GOLGB1: variants seen among roughly 807,000 people sequenced by gnomAD.
GOLGB1 encodes golgin subfamily B member 1.
Under a neutral mutation model 336.9 loss-of-function variants are expected in GOLGB1, and 174 were observed. The observed-to-expected ratio is 0.52, with a 90% CI of 0.46 to 0.59. GOLGB1 has a LOEUF of 0.59. GOLGB1 is among the 20% of genes least tolerant of loss of function. The probability of loss-of-function intolerance (pLI) is 0.00; values close to 1 mark genes in which losing one functional copy is unlikely to be tolerated. For synonymous variants in GOLGB1, 1,208 were observed against 1,289.2 expected (o/e 0.94, Z 1.35); for missense variants, 3,331 against 3,645.3 (o/e 0.91, Z 2.22).
In GOLGB1 at chr3:121,729,265, T is replaced by TA. The variant is rs1241598340; in HGVS notation, c.324dup (p.Lys109Ter). On this transcript the variant is annotated frameshift_variant, in exon 4 of 22. Coordinates refer to ENST00000614479, the MANE Select transcript of GOLGB1 (RefSeq NM_001366282.2). LOFTEE classifies it high-confidence loss of function. ...TGTGCTTTCATTTCTTCTATGTATT[T>TA]ATTCAAAGAAGTTAATTTGGCCTTC... 1.9e-6 allele frequency: 3 copies of TA among 1,610,648 alleles called. No individual in the cohort carries two copies. The highest frequency in any genetic ancestry group is 2.5e-6 in the Non-Finnish European group (3 of 1,176,898).
rs56162367 is a variant in GOLGB1, at chr3:121,693,855, G to A, written c.6668C>T (p.Ala2223Val). Residue 2223 changes from alanine to valine, a missense_variant, in exon 13 of 22, where the codon GCG becomes GTG. Transcript: ENST00000614479. ...AKKWERKFSD[A>V]IQSKEEEIRL... ...AATTTCTTCTTCTTTGCTTTGAATC[G>A]CATCACTAAACTTCCTCTCCCATTT... is the stretch of plus-strand genomic sequence containing the variant. The A allele has an allele frequency of 0.012, 18,867 of 1,612,970 alleles. 151 individuals are homozygous for A. The highest frequency in any genetic ancestry group is 0.014 in the Non-Finnish European group (16,296 of 1,179,092).
At chr3:121,721,568 G>C (rs1241080330) in intron 6 of GOLGB1, among the ~76,000 whole-genome samples, 1 of 152,208 alleles carries the variant, frequency 6.6e-6, no homozygotes, top group Non-Finnish European at 1.5e-5. Flanking sequence ...AGGAGACTGA[G>C]GCTGCAGTGA....
chr3:121,748,015 A>G (rs1947487350), intron 1 of GOLGB1, among the ~76,000 whole-genome samples: 1 of 152,066 alleles, frequency 6.6e-6, no homozygotes, highest in South Asian at 2.1e-4. Flanking sequence ...TTTATAAACA[A>G]GGATAAAGTC....
intron 1 of GOLGB1, 68 bp downstream of exon 1, chr3:121,749,564 G>C (rs1367544219): frequency 6.6e-6 from 1 of 152,376 alleles, no homozygotes; most frequent in African/African-American, 2.4e-5. Flanking sequence ...AGCTCCCGCG[G>C]CCCCTCTGGC....
rs1295520652 is a variant in GOLGB1, at chr3:121,698,193, T to G, written c.2330A>C (p.Asn777Thr). The G allele has an allele frequency of 3.1e-6, 5 of 1,613,664 alleles. No individual in the cohort carries two copies. Among genetic ancestry groups the G allele is most frequent in the Non-Finnish European group, 4.2e-6 (5 of 1,179,946 alleles). Residue 777 changes from asparagine to threonine, a missense_variant, in exon 13 of 22, where the codon AAC becomes ACC. Physicochemically the swap from Asn to Thr is moderately conservative, Grantham distance 65 (BLOSUM62 0). Coordinates refer to ENST00000614479, the MANE Select transcript of GOLGB1 (RefSeq NM_001366282.2). ...LRAQVKQLEM[N>T]LAEAERQRRL... is the part of the protein sequence containing the mutation. ...TCTTTGCCTTTCTGCTTCTGCAAGG[T>G]TCATTTCCAGTTGCTTTACCTGAGC...
intron 17 of GOLGB1, among the ~76,000 whole-genome samples, chr3:121,671,458 G>T (rs1281307242): frequency 6.6e-6 from 1 of 151,582 alleles, no homozygotes; most frequent in Non-Finnish European, 1.5e-5. Flanking sequence ...ATAATGGCAG[G>T]GTATTTGCAT....
At chr3:121,732,415 C>G (rs1042971307) in intron 1 of GOLGB1, among the ~76,000 whole-genome samples, 1 of 152,052 alleles carries the variant, frequency 6.6e-6, no homozygotes, top group African/African-American at 2.4e-5. Flanking sequence ...AAAGATATTA[C>G]AAGAAAACTA....
chr3:121,703,633 C>T (rs1943580704), intron 10 of GOLGB1, among the ~76,000 whole-genome samples: 1 of 152,076 alleles, frequency 6.6e-6, no homozygotes. Context: ...TATCATAGGC[C>T]AGAGTTTGGG....
At chr3:121,677,167 A>G in intron 16 of GOLGB1, 118 bp downstream of exon 16, 1 of 1,229,888 alleles carries the variant, frequency 8.1e-7, no homozygotes. Flanking sequence ...TGGGCACTTA[A>G]TTTGTAGGAA....
At position 121,695,747 on chromosome 3, in the gene GOLGB1, C is replaced by T; in HGVS notation, c.4776G>A (p.Val1592=). ...AAGATTTCAAAGATTCAATTTCCTT[C>T]ACTAACTTTTCCTTGTCTTCAGTAA... The part of the protein sequence containing the change: ...EGLTEDKEKL[V]KEIESLKSSK... The change falls in exon 13 of 22, where the codon GTG becomes GTA. Residue 1592 remains valine, a synonymous_variant. Transcript: ENST00000614479. 1.2e-6 allele frequency: 2 copies of T among 1,611,794 alleles called. No individual in the cohort carries two copies. The highest frequency in any genetic ancestry group is 1.7e-6 in the Non-Finnish European group (2 of 1,179,868).
chr3:121,673,010 C>G (rs1939767750), intron 17 of GOLGB1, among the ~76,000 whole-genome samples: 1 of 151,422 alleles, frequency 6.6e-6, no homozygotes, highest in Admixed American at 6.6e-5. Context: ...ATGCCAGTAT[C>G]ATGCTCATTA....
At chr3:121,700,622 C>T (rs759313660) in intron 11 of GOLGB1, among the ~76,000 whole-genome samples, 1 of 152,064 alleles carries the variant, frequency 6.6e-6, no homozygotes, top group Non-Finnish European at 1.5e-5. Context: ...CTCCAACCTC[C>T]TCTTCTTGTA....
At chr3:121,665,053 G>A (rs1280639533) in intron 20 of GOLGB1, 22 bp from the exon 21 acceptor site, 1 of 1,336,208 alleles carries the variant, frequency 7.5e-7, no homozygotes, top group African/African-American at 1.4e-5. Context: ...AAAAAAAGAG[G>A]CATAGCATTG....
At chr3:121,701,963 T>A (rs1441254084) in intron 11 of GOLGB1, among the ~76,000 whole-genome samples, 1 of 152,128 alleles carries the variant, frequency 6.6e-6, no homozygotes, top group Non-Finnish European at 1.5e-5. Flanking sequence ...CTGAAAAAGA[T>A]AATATGCTAG....
chr3:121,685,378 T>C (rs1289362912), intron 14 of GOLGB1, among the ~76,000 whole-genome samples: 2 of 151,692 alleles, frequency 1.3e-5, no homozygotes, highest in Admixed American at 1.3e-4. Flanking sequence ...CTACTAAAAA[T>C]ACAAAAATTA....
At chr3:121,684,127 C>CAAAAAAAAAAAAAAAAAAAAAAAAAAA (rs61510295) in intron 14 of GOLGB1, among the ~76,000 whole-genome samples, 1 of 10,912 alleles carries the variant, frequency 9.2e-5, no homozygotes, top group Non-Finnish European at 1.8e-4. Context: ...GACGCCGTCT[C>CAAAAAAAAAAAAAAAAAAAAAAAAAAA]AAAAAAAAAA....
Position 121,695,127 on chromosome 3 carries a change from G to T in GOLGB1, c.5396C>A (p.Pro1799Gln), listed in dbSNP as rs749888432. 1.2e-6 allele frequency: 2 copies of T among 1,612,782 alleles called. No homozygotes were observed. Among genetic ancestry groups the T allele is most frequent in the South Asian group, 2.2e-5 (2 of 91,050 alleles). The change falls in exon 13 of 22, where the codon CCA becomes CAA. Residue 1799 changes from proline to glutamine, a missense_variant. Transcript: ENST00000614479. ...AGAGTCTTGCTCTTCAGTCTCACCT[G>T]GTATAGACTGTGTTCCCTCTTCAGT... ...NVTEEGTQSI[P>Q]GETEEQDSLS...
intron 11 of GOLGB1, among the ~76,000 whole-genome samples, chr3:121,702,209 T>C (rs888531759): frequency 3.9e-5 from 6 of 152,142 alleles, no homozygotes; most frequent in East Asian, 3.8e-4. Context: ...ATACTTCCTA[T>C]AGGATACGAT....
At chr3:121,713,123 C>A (rs933093951) in intron 10 of GOLGB1, among the ~76,000 whole-genome samples, 1 of 152,056 alleles carries the variant, frequency 6.6e-6, no homozygotes, top group African/African-American at 2.4e-5. Context: ...GATCGCACCA[C>A]TGTTCTCCAG....
Sources: gnomAD v4.1 joint callset for allele counts (sites outside exome capture counted in the v4.1 genomes callset) on GRCh38, gnomAD v4.1.1 for gene constraint, MANE v1.5 for transcripts, NCBI Gene and HGNC (gene_info 2026-07-23, HGNC 2026-07-21) for gene names.